CORO2B: variants seen among roughly 807,000 people sequenced by gnomAD.
CORO2B encodes the protein coronin 2B, also known as coronin-2B.
In CORO2B, 26 loss-of-function variants were observed where a neutral mutation model predicts 58.8. That is an observed-to-expected ratio of 0.44 (90% confidence interval 0.32 to 0.61). CORO2B has a LOEUF of 0.61. Ranked by LOEUF, CORO2B falls within the 20% of genes least tolerant of loss-of-function variation. The probability of loss-of-function intolerance (pLI) is 0.04; values close to 1 mark genes in which losing one functional copy is unlikely to be tolerated. For missense variants in CORO2B, 460 were observed against 645.1 expected, an observed-to-expected ratio of 0.71 and a Z score of 3.11; for synonymous variants, 242 against 253.8, an observed-to-expected ratio of 0.95 and a Z score of 0.44.
At chr15:68,705,953 C>T (rs553498965) in intron 3 of CORO2B, among the ~76,000 whole-genome samples, 1 of 152,328 alleles carries the variant, frequency 6.6e-6, no homozygotes, top group Admixed American at 6.5e-5. Flanking sequence ...GGCTGGGGCT[C>T]ACTCCACAGC....
the CORO2B span, among the ~76,000 whole-genome samples, chr15:68,573,103 C>T: frequency 2.0e-4 from 31 of 152,248 alleles, no homozygotes; most frequent in Admixed American, 1.7e-3. Flanking sequence ...GGATGCAGCC[C>T]GTAGAGGCCT....
intron 2 of CORO2B, among the ~76,000 whole-genome samples, chr15:68,667,716 A>C (rs1044162292): frequency 1.3e-5 from 2 of 152,150 alleles, no homozygotes; most frequent in Non-Finnish European, 2.9e-5. Flanking sequence ...GTGAGATGGG[A>C]GAGTGCACTG....
chr15:68,652,337 C>A (rs1204242201), intron 2 of CORO2B, among the ~76,000 whole-genome samples: 3 of 152,206 alleles, frequency 2.0e-5, no homozygotes, highest in Admixed American at 1.3e-4. Flanking sequence ...CCTGGCACAG[C>A]TGGAGGGGCC....
At chr15:68,539,651 C>A in the CORO2B span, among the ~76,000 whole-genome samples, 111,854 of 152,082 alleles carry the variant, frequency 0.74, 41,514 homozygotes, top group East Asian at 0.9. Flanking sequence ...GGTGACAGAG[C>A]AAGACCATGT....
intron 1 of CORO2B, among the ~76,000 whole-genome samples, chr15:68,640,649 G>T (rs1026120865): frequency 2.0e-5 from 3 of 152,162 alleles, no homozygotes; most frequent in Non-Finnish European, 2.9e-5. Context: ...GCATTGGGGG[G>T]AAATTTAAAC....
chr15:68,570,748 C>T, the CORO2B span, among the ~76,000 whole-genome samples: 1 of 151,626 alleles, frequency 6.6e-6, no homozygotes, highest in African/African-American at 2.4e-5. Flanking sequence ...TCAGAAGACC[C>T]CCATGGTGCA....
chr15:68,685,992 G>A (rs1172895883), intron 2 of CORO2B, among the ~76,000 whole-genome samples: 3 of 145,854 alleles, frequency 2.1e-5, no homozygotes, highest in Admixed American at 6.9e-5. Flanking sequence ...TGTGGGAACC[G>A]CACTAGAAAT....
chr15:68,537,694 C>T, the CORO2B span, among the ~76,000 whole-genome samples: 14 of 152,132 alleles, frequency 9.2e-5, no homozygotes, highest in Non-Finnish European at 1.8e-4. Flanking sequence ...CCTCCCTGTG[C>T]CCACGTGTTC....
chr15:68,718,642 T>C, intron 8 of CORO2B, 56 bp from the exon 9 acceptor site: 1 of 1,420,046 alleles, frequency 7.0e-7, no homozygotes, highest in Non-Finnish European at 9.9e-7. Flanking sequence ...CATGGGGTGA[T>C]GTCACTGAGA....
At chr15:68,545,613 G>A in the CORO2B span, among the ~76,000 whole-genome samples, 2 of 2,970 alleles carry the variant, frequency 6.7e-4, no homozygotes, top group African/African-American at 1.3e-3. Context: ...TGCGGGGGGC[G>A]GGGGGGGTAA....
intron 1 of CORO2B, among the ~76,000 whole-genome samples, chr15:68,610,126 A>G (rs1160171702): frequency 1.3e-5 from 2 of 152,150 alleles, no homozygotes; most frequent in Non-Finnish European, 2.9e-5. Context: ...TAGGCATTGA[A>G]CGATGCAGAG....
chr15:68,582,606 T>G (rs1445724730), intron 1 of CORO2B, among the ~76,000 whole-genome samples: 3 of 152,206 alleles, frequency 2.0e-5, no homozygotes, highest in Non-Finnish European at 4.4e-5. Context: ...GTTTCTACAT[T>G]GCTATCAACT....
At chr15:68,612,996 T>C (rs975111953) in intron 1 of CORO2B, among the ~76,000 whole-genome samples, 2 of 152,156 alleles carry the variant, frequency 1.3e-5, no homozygotes, top group African/African-American at 4.8e-5. Flanking sequence ...AGGGAATCAG[T>C]ACAGCCAGGT....
At chr15:68,688,012 G>A (rs575382431) in intron 2 of CORO2B, among the ~76,000 whole-genome samples, 31 of 152,324 alleles carry the variant, frequency 2.0e-4, no homozygotes, top group Admixed American at 2.6e-4. Context: ...GCACCCTCCA[G>A]ACCATCCATT....
chr15:68,696,697 C>A (rs1042381117), intron 3 of CORO2B, among the ~76,000 whole-genome samples: 5 of 152,246 alleles, frequency 3.3e-5, no homozygotes, highest in Non-Finnish European at 7.4e-5. Context: ...GGGAGGGTCC[C>A]ATAATGTGTT....
chr15:68,546,165 C>G, the CORO2B span, among the ~76,000 whole-genome samples: 1 of 152,292 alleles, frequency 6.6e-6, no homozygotes, highest in Non-Finnish European at 1.5e-5. Context: ...CTAGTCCTCT[C>G]TCCTGCACAT....
intron 3 of CORO2B, among the ~76,000 whole-genome samples, chr15:68,696,365 A>G (rs995204882): frequency 2.0e-5 from 3 of 151,938 alleles, no homozygotes; most frequent in Middle Eastern, 3.2e-3. Context: ...CTTGGCCAAC[A>G]TGGTGAAACC....
chr15:68,565,227 A>G, the CORO2B span, among the ~76,000 whole-genome samples: 1 of 152,096 alleles, frequency 6.6e-6, no homozygotes, highest in Non-Finnish European at 1.5e-5. Flanking sequence ...ACAGATTAAT[A>G]TATTGATATA....
At chr15:68,631,046 C>T (rs960106366) in intron 1 of CORO2B, among the ~76,000 whole-genome samples, 3 of 152,112 alleles carry the variant, frequency 2.0e-5, no homozygotes, top group African/African-American at 4.8e-5. Flanking sequence ...GGGGTGTTCC[C>T]GTGGTGGTGC....
Sources: gnomAD v4.1 joint callset for allele counts (sites outside exome capture counted in the v4.1 genomes callset) on GRCh38, gnomAD v4.1.1 for gene constraint, MANE v1.5 for transcripts, NCBI Gene and HGNC (gene_info 2026-07-23, HGNC 2026-07-21) for gene names.